Variants in NECTIN3 observed in about 807,000 individuals in gnomAD.
The protein encoded by NECTIN3 is nectin cell adhesion molecule 3.
Under a neutral mutation model 49.4 loss-of-function variants are expected in NECTIN3, and 8 were observed. The observed-to-expected ratio is 0.16, with a 90% CI of 0.10 to 0.29. NECTIN3 has a LOEUF of 0.29. NECTIN3 is among the 10% of genes least tolerant of loss of function. The pLI is 1.00. For missense variants in NECTIN3, 581 were observed against 654.6 expected (o/e 0.89, Z 1.23); for synonymous variants, 277 against 241.1 (o/e 1.15, Z -1.38).
upstream of NECTIN3, among the ~76,000 whole-genome samples, chr3:111,189,096 T>C (rs1342321103): frequency 6.6e-6 from 1 of 152,222 alleles, no homozygotes; most frequent in East Asian, 1.9e-4. Context: ...TGTTAAGGAA[T>C]GGAAACAACC....
At chr3:111,169,333 G>A (rs1317715899) in intron 7 of NECTIN3, among the ~76,000 whole-genome samples, 1 of 146,300 alleles carries the variant, frequency 6.8e-6, no homozygotes, top group African/African-American at 2.5e-5. Flanking sequence ...CTCGTGATCT[G>A]CCCGTCTCAG....
intron 1 of NECTIN3, among the ~76,000 whole-genome samples, chr3:111,104,716 G>C (rs2033093613): frequency 6.6e-6 from 1 of 152,036 alleles, no homozygotes; most frequent in African/African-American, 2.4e-5. Flanking sequence ...TCCTTTACCA[G>C]ATGCATGTTT....
chr3:111,175,227 G>A (rs1353180645), intron 7 of NECTIN3, among the ~76,000 whole-genome samples: 1 of 151,658 alleles, frequency 6.6e-6, no homozygotes, highest in East Asian at 2.0e-4. Flanking sequence ...AGCTTTTGGA[G>A]CCTGGGGTTT....
rs985385766 is a variant in NECTIN3, at chr3:111,174,967, T to G, written c.1222-17384T>G. 2.0e-5 allele frequency among the ~76,000 whole-genome samples: 3 copies of G among 152,028 alleles called. No individual in the cohort carries two copies. The East Asian group carries it at 5.8e-4, about 30-fold the overall frequency. Reference sequence around the variant, plus strand: ...CGGACTCAGTGGATGAGTGTGGACTTGAAGGATGAATGCAGGATTTCAGTG... The same window carrying G: ...CGGACTCAGTGGATGAGTGTGGACTGGAAGGATGAATGCAGGATTTCAGTG... On this transcript the variant is annotated intron_variant, in intron 7 of 8. Coordinates refer to the NECTIN3 transcript ENST00000493615.
upstream of NECTIN3, among the ~76,000 whole-genome samples, chr3:111,189,607 G>A (rs1039683182): frequency 6.6e-6 from 1 of 152,134 alleles, no homozygotes; most frequent in Non-Finnish European, 1.5e-5. Flanking sequence ...CTGTATTAAT[G>A]GATGGAGAAT....
At chr3:111,084,823 G>A (rs967047164) in intron 1 of NECTIN3, among the ~76,000 whole-genome samples, 5 of 152,198 alleles carry the variant, frequency 3.3e-5, no homozygotes, top group Admixed American at 6.5e-5. Flanking sequence ...GAAGATTGAT[G>A]TAGGAATTAG....
chr3:111,098,036 C>CT (rs1199281477), intron 1 of NECTIN3, among the ~76,000 whole-genome samples: 41 of 152,250 alleles, frequency 2.7e-4, no homozygotes, highest in Middle Eastern at 3.4e-3. Flanking sequence ...ACTTTCTAGT[C>CT]TAGATTCTTC....
chr3:111,171,590 ACAT>A (rs1242211057), intron 7 of NECTIN3, among the ~76,000 whole-genome samples: 1 of 152,134 alleles, frequency 6.6e-6, no homozygotes, highest in Non-Finnish European at 1.5e-5. Flanking sequence ...ATTTCCCAAC[ACAT>A]CAGGTGCTTT....
At chr3:111,122,976 T>A (rs2034017254) in intron 4 of NECTIN3, among the ~76,000 whole-genome samples, 1 of 152,144 alleles carries the variant, frequency 6.6e-6, no homozygotes, top group Middle Eastern at 3.4e-3. Context: ...ATAAATATCC[T>A]TTCTTTTATA....
chr3:111,124,350 A>G (rs189977127), intron 4 of NECTIN3, among the ~76,000 whole-genome samples: 1 of 152,320 alleles, frequency 6.6e-6, no homozygotes, highest in Non-Finnish European at 1.5e-5. Context: ...GTCATGTAAC[A>G]TAGACACAAG....
Position 111,125,825 on chromosome 3 carries a change from A to T in NECTIN3, c.918-359A>T, listed in dbSNP as rs138973799. 4.4e-3 allele frequency among the ~76,000 whole-genome samples: 677 copies of T among 152,310 alleles called. 18 individuals carry two copies. Among genetic ancestry groups the T allele is most frequent in the Admixed American group, 0.041 (621 of 15,298 alleles). On this transcript the variant is annotated intron_variant, in intron 4 of 5. Coordinates refer to ENST00000485303, the MANE Select transcript of NECTIN3 (RefSeq NM_015480.3). ...ATGAATGGATCTCTGATTCAATGAG[A>T]ATTTTATTTGATATTGTATGTATGT...
At chr3:111,184,594 G>A (rs1167954679) in intron 7 of NECTIN3, among the ~76,000 whole-genome samples, 1 of 151,990 alleles carries the variant, frequency 6.6e-6, no homozygotes, top group African/African-American at 2.4e-5. Flanking sequence ...CCCAGTCCGT[G>A]GTATTCTGTT....
At chr3:111,085,764 T>C (rs1356391453) in intron 1 of NECTIN3, among the ~76,000 whole-genome samples, 1 of 152,182 alleles carries the variant, frequency 6.6e-6, no homozygotes, top group East Asian at 1.9e-4. Flanking sequence ...TTATCAGTTT[T>C]AATGTTGGAC....
chr3:111,155,977 G>T (rs987667555), intron 7 of NECTIN3, among the ~76,000 whole-genome samples: 4 of 152,110 alleles, frequency 2.6e-5, no homozygotes, highest in Non-Finnish European at 5.9e-5. Flanking sequence ...TATTAGCACA[G>T]TAATCTTATA....
intron 7 of NECTIN3, among the ~76,000 whole-genome samples, chr3:111,157,701 CTGTT>C (rs141394533): frequency 0.015 from 2,354 of 152,094 alleles, 29 homozygotes; most frequent in African/African-American, 0.02. Flanking sequence ...TAGCTGTTGT[CTGTT>C]CTTGTAGGTT....
At position 111,073,493 on chromosome 3, in the gene NECTIN3, T is replaced by C. The variant is rs118088435; in HGVS notation, c.160+1316T>C. ...CTGATTTACACAGAGTATAGTATGGTAAATGGAATGTTATTAATTGTACGC... is the reference window on the plus strand; with the variant it reads ...CTGATTTACACAGAGTATAGTATGGCAAATGGAATGTTATTAATTGTACGC... On this transcript the variant is annotated intron_variant, in intron 1 of 5. Coordinates refer to ENST00000485303, the MANE Select transcript of NECTIN3 (RefSeq NM_015480.3). The C allele has an allele frequency of 2.6e-5, 4 of 152,432 alleles. No individual in the cohort carries two copies. The East Asian group carries it at 7.7e-4, about 29-fold the overall frequency. 9.4% of individuals were successfully genotyped at this position (152,432 alleles called of 1,614,324 possible).
chr3:111,088,952 G>C (rs2032092226), intron 1 of NECTIN3, among the ~76,000 whole-genome samples: 2 of 151,966 alleles, frequency 1.3e-5, no homozygotes, highest in Admixed American at 1.3e-4. Context: ...TTCTTTTTAA[G>C]GGAAGGATTT....
intron 1 of NECTIN3, among the ~76,000 whole-genome samples, chr3:111,083,247 A>C (rs1429501897): frequency 6.6e-6 from 1 of 152,090 alleles, no homozygotes; most frequent in Non-Finnish European, 1.5e-5. Context: ...AAAGAGAAAA[A>C]AGAGTAATTT....
chr3:111,187,779 T>A (rs971960614), upstream of NECTIN3, among the ~76,000 whole-genome samples: 1 of 152,160 alleles, frequency 6.6e-6, no homozygotes, highest in Non-Finnish European at 1.5e-5. Context: ...AAATTATTGC[T>A]ATAGGTTGGG....
Sources: allele counts gnomAD v4.1 joint callset (sites outside exome capture counted in the v4.1 genomes callset), GRCh38; gene constraint gnomAD v4.1.1; transcripts MANE v1.5; gene names NCBI Gene and HGNC (gene_info 2026-07-23, HGNC 2026-07-21).